The following GAB1 variants were observed in gnomAD, a reference collection of about 807,000 sequenced individuals.
GAB1 encodes GRB2 associated binding protein 1, also known as GRB2-associated-binding protein 1.
GAB1 carries 19 observed loss-of-function variants against 66.5 expected under a neutral mutation model. The observed-to-expected ratio is 0.29, with a 90% CI of 0.20 to 0.42. GAB1 has a LOEUF of 0.42. Ranked by LOEUF, GAB1 falls within the 10% of genes least tolerant of loss-of-function variation. GAB1 has a pLI of 1.00. For synonymous variants in GAB1, 294 were observed against 301.4 expected (o/e 0.98, Z 0.25); for missense variants, 732 against 858.5 (o/e 0.85, Z 1.84).
At position 143,405,706 on chromosome 4, in the gene GAB1, A is replaced by G. The variant is rs185134603; in HGVS notation, c.73-9771A>G. 2.0e-5 allele frequency among the ~76,000 whole-genome samples: 3 copies of G among 152,294 alleles called. No individual in the cohort carries two copies. In the East Asian group the frequency reaches 5.8e-4, roughly 29 times the overall value. The stretch of plus-strand genomic sequence containing the variant: ...ATAAGACAGAATCTTGGGGGAGGAA[A>G]GCAGTTGTACAAAGGGTTGATTGAA... On this transcript the variant is annotated intron_variant, in intron 1 of 9. Coordinates refer to ENST00000262994, the MANE Select transcript of GAB1 (RefSeq NM_002039.4).
chr4:143,424,505 G>A (rs1000141776), intron 2 of GAB1, among the ~76,000 whole-genome samples: 2 of 152,096 alleles, frequency 1.3e-5, no homozygotes, highest in African/African-American at 4.8e-5. Flanking sequence ...ATTTGCAACT[G>A]AATCAAAACA....
At position 143,337,159 on chromosome 4, in the gene GAB1, GC is replaced by G; in HGVS notation, c.-27del. The G allele has an allele frequency of 1.3e-6, 2 of 1,555,576 alleles. No homozygotes were observed. On this transcript the variant is annotated 5_prime_UTR_variant, in exon 1 of 10. Transcript: ENST00000262994. ...GGAGCGCGCCCGCCGCCCCTCAGCT[GC>G]CCGGCCCGGAGCCCGAGACGCGCGC...
chr4:143,374,550 A>G (rs1433778796), intron 1 of GAB1, among the ~76,000 whole-genome samples: 1 of 152,192 alleles, frequency 6.6e-6, no homozygotes, highest in East Asian at 1.9e-4. Context: ...ACTGAGTGTC[A>G]AATTTCTTGC....
chr4:143,431,520 G>A (rs970770870), intron 2 of GAB1, among the ~76,000 whole-genome samples: 9 of 152,240 alleles, frequency 5.9e-5, no homozygotes, highest in East Asian at 5.8e-4. Context: ...TTTGTTATCC[G>A]ACTTTAGCTG....
chr4:143,388,302 T>G (rs1731011960), intron 1 of GAB1, among the ~76,000 whole-genome samples: 1 of 152,160 alleles, frequency 6.6e-6, no homozygotes, highest in Admixed American at 6.6e-5. Flanking sequence ...GTGGCTATTT[T>G]GTTGATCAGT....
chr4:143,438,227 T>C lies in GAB1; in HGVS notation c.822T>C (p.Ser274=). The change falls in exon 4 of 10, where the codon TCT becomes TCC. Residue 274 remains serine, a synonymous_variant. Transcript: ENST00000262994. ...SYSHDVLPKV[S]PSSTEADGEL... ...CCCATGATGTTTTACCAAAGGTGTCTCCATCAAGTACTGAAGCAGATGGAG... is the reference window on the plus strand; with the variant it reads ...CCCATGATGTTTTACCAAAGGTGTCCCCATCAAGTACTGAAGCAGATGGAG... The C allele has an allele frequency of 1.2e-6, 2 of 1,614,118 alleles. No homozygotes were observed. Among genetic ancestry groups the C allele is most frequent in the Non-Finnish European group, 1.7e-6 (2 of 1,180,014 alleles).
chr4:143,402,652 G>T (rs1731838496), intron 1 of GAB1, among the ~76,000 whole-genome samples: 1 of 152,144 alleles, frequency 6.6e-6, no homozygotes, highest in South Asian at 2.1e-4. Flanking sequence ...AATTAAATAG[G>T]GGAATAGGTA....
intron 1 of GAB1, among the ~76,000 whole-genome samples, chr4:143,355,935 G>A (rs77677040): frequency 0.018 from 2,775 of 152,192 alleles, 49 homozygotes; most frequent in Non-Finnish European, 0.026. Context: ...TTTTGGGAGT[G>A]CGAGGTGTTG....
intron 6 of GAB1, among the ~76,000 whole-genome samples, chr4:143,444,638 G>C (rs1050320136): frequency 6.6e-6 from 1 of 151,876 alleles, no homozygotes; most frequent in Non-Finnish European, 1.5e-5. Context: ...TTAGTTTTAG[G>C]GGGGTGCATG....
chr4:143,440,782 G>C (rs1294104063), intron 6 of GAB1, among the ~76,000 whole-genome samples: 1 of 152,146 alleles, frequency 6.6e-6, no homozygotes, highest in Non-Finnish European at 1.5e-5. Flanking sequence ...ATCAGGAAAA[G>C]CCAGAGATTT....
intron 1 of GAB1, among the ~76,000 whole-genome samples, chr4:143,344,431 T>A (rs1728925886): frequency 6.6e-6 from 1 of 152,228 alleles, no homozygotes; most frequent in African/African-American, 2.4e-5. Flanking sequence ...AGTCACGATC[T>A]TTCTGTGACT....
intron 8 of GAB1, among the ~76,000 whole-genome samples, chr4:143,464,442 C>A (rs974618081): frequency 2.0e-5 from 3 of 151,990 alleles, no homozygotes; most frequent in African/African-American, 7.3e-5. Context: ...GTTGGCCAGG[C>A]TGGTCTCAAA....
chr4:143,433,592 A>G lies in GAB1; in HGVS notation c.469A>G (p.Thr157Ala), dbSNP rs146253580. Residue 157 changes from threonine (T) to alanine (A), a missense_variant, in exon 3 of 10, where the codon ACT (threonine) becomes GCT (alanine). Physicochemically the swap from Thr to Ala is moderately conservative, Grantham distance 58. This residue lies in a region of GAB1 where 427 missense variants were observed against 420.6 expected (regional missense o/e 1.02). Transcript: ENST00000262994. ...CACCCAGGCAGATTCATCCTCTGCT[A>G]CTCTACCTCCTCCATATCAGCTAAT... ...PSTQADSSSATLPPPYQLINV... is the reference protein window; with the variant it reads ...PSTQADSSSAALPPPYQLINV... 639 of 1,613,778 alleles carry G rather than the reference A, an allele frequency of 4.0e-4. 1 individual carries two copies. The African/African-American group carries it at 7.7e-3, about 19-fold the overall frequency.
intron 1 of GAB1, among the ~76,000 whole-genome samples, chr4:143,340,773 A>T (rs1002091973): frequency 2.0e-5 from 3 of 152,202 alleles, no homozygotes; most frequent in Non-Finnish European, 2.9e-5. Flanking sequence ...AAGTCCTGGG[A>T]TTACAGGCAT....
At position 143,415,753 on chromosome 4, in the gene GAB1, T is replaced by A; in HGVS notation, c.349T>A (p.Phe117Ile). Residue 117 changes from phenylalanine to isoleucine, a missense_variant, in exon 2 of 10, where the codon TTT (phenylalanine) becomes ATT (isoleucine). Coordinates refer to ENST00000262994, the MANE Select transcript of GAB1 (RefSeq NM_002039.4). ...WVRCICDICG[F>I]NPTEEDPVKP... Reference sequence around the variant, plus strand: ...TCGTTGTATTTGTGACATCTGTGGGTTTAATCCAACAGAAGAAGGTAAGTT... The same window carrying A: ...TCGTTGTATTTGTGACATCTGTGGGATTAATCCAACAGAAGAAGGTAAGTT... 1 of 1,605,294 alleles carries A rather than the reference T, an allele frequency of 6.2e-7. No homozygotes were observed. The highest frequency in any genetic ancestry group is 8.5e-7 in the Non-Finnish European group (1 of 1,174,224).
chr4:143,449,028 T>C (rs1734736741), intron 6 of GAB1, among the ~76,000 whole-genome samples: 1 of 152,020 alleles, frequency 6.6e-6, no homozygotes, highest in African/African-American at 2.4e-5. Context: ...TCTTTATTTC[T>C]GCCTTCATTT....
In GAB1 at chr4:143,415,780, A is replaced by G; in HGVS notation, c.367+9A>G. The G allele has an allele frequency of 1.9e-6, 3 of 1,561,458 alleles. No individual in the cohort carries two copies. The highest frequency in any genetic ancestry group is 2.6e-6 in the Non-Finnish European group (3 of 1,151,392). ...TAATCCAACAGAAGAAGGTAAGTTC[A>G]AGATATTACTATTCAACTTGAATTC... On this transcript the variant is annotated intron_variant, in intron 2 of 9. Transcript: ENST00000262994.
At chr4:143,339,510 C>G (rs1045823053) in intron 1 of GAB1, among the ~76,000 whole-genome samples, 1 of 152,168 alleles carries the variant, frequency 6.6e-6, no homozygotes, top group Non-Finnish European at 1.5e-5. Context: ...GACTCCGTCT[C>G]AAAAATAGCA....
chr4:143,374,046 G>A (rs1730304786), intron 1 of GAB1, among the ~76,000 whole-genome samples: 1 of 151,312 alleles, frequency 6.6e-6, no homozygotes, highest in Non-Finnish European at 1.5e-5. Context: ...TTTATGAGTT[G>A]GAGTGAAGAC....
Sources: allele counts gnomAD v4.1 joint callset (sites outside exome capture counted in the v4.1 genomes callset), GRCh38; gene constraint gnomAD v4.1.1; regional missense constraint gnomAD v4.1.1; transcripts MANE v1.5; gene names NCBI Gene and HGNC (gene_info 2026-07-23, HGNC 2026-07-21).